Variants in NFATC3 observed in about 807,000 individuals in gnomAD.
The protein encoded by NFATC3 is nuclear factor of activated T cells 3, also known as nuclear factor of activated T-cells, cytoplasmic 3.
In NFATC3, 46 loss-of-function variants were observed where a neutral mutation model predicts 98.6. The observed-to-expected ratio is 0.47, with a 90% CI of 0.37 to 0.60. NFATC3 has a LOEUF of 0.60. Ranked by LOEUF, NFATC3 falls within the 20% of genes least tolerant of loss-of-function variation. The pLI, the probability that NFATC3 is intolerant of heterozygous loss-of-function variation, is 0.00. For synonymous variants in NFATC3, 512 were observed against 472.2 expected (o/e 1.08, Z -1.09); for missense variants, 1,256 against 1,295.5 (o/e 0.97, Z 0.47).
At chr16:68,097,602 G>T (rs925466604) in intron 1 of NFATC3, among the ~76,000 whole-genome samples, 2 of 152,184 alleles carry the variant, frequency 1.3e-5, no homozygotes, top group South Asian at 2.1e-4. Flanking sequence ...CAACAGTATT[G>T]CAAGGATGGC....
chr16:68,176,724 G>A (rs1012546798), intron 6 of NFATC3, among the ~76,000 whole-genome samples: 1 of 152,130 alleles, frequency 6.6e-6, no homozygotes, highest in African/African-American at 2.4e-5. Flanking sequence ...GTCTTTGCCT[G>A]TTTTCTCCAT....
intron 8 of NFATC3, chr16:68,189,300 G>A (rs2040340838): frequency 1.6e-5 from 3 of 189,720 alleles, no homozygotes; most frequent in Admixed American, 1.0e-4. Context: ...CCTTGACTTG[G>A]GTAGAGTGAT....
At chr16:68,128,897 A>T (rs978199460) in intron 3 of NFATC3, among the ~76,000 whole-genome samples, 11 of 152,018 alleles carry the variant, frequency 7.2e-5, no homozygotes, top group Non-Finnish European at 1.5e-4. Context: ...AGGTGAGAGG[A>T]TTGCTTGAGG....
Position 68,085,667 on chromosome 16 carries a change from C to T in NFATC3, c.-15C>T. The T allele has an allele frequency of 1.3e-6, 2 of 1,509,166 alleles. No homozygotes were observed. The highest frequency in any genetic ancestry group is 1.8e-6 in the Non-Finnish European group (2 of 1,131,162). 93.5% of individuals were successfully genotyped at this position (1,509,166 alleles called of 1,614,324 possible). On this transcript the variant is annotated 5_prime_UTR_variant, in exon 1 of 10. Transcript: ENST00000346183. Reference sequence around the variant, plus strand: ...CGCCGCCTGAGGAGGAGCTGCAGCACCCTGGGCCACGCCGATGACTACTGC... The same window carrying T: ...CGCCGCCTGAGGAGGAGCTGCAGCATCCTGGGCCACGCCGATGACTACTGC...
intron 1 of NFATC3, among the ~76,000 whole-genome samples, chr16:68,110,849 T>C (rs2035909327): frequency 6.6e-6 from 1 of 152,212 alleles, no homozygotes; most frequent in Non-Finnish European, 1.5e-5. Flanking sequence ...TTCTGGTACA[T>C]TGTCTCTTTG....
chr16:68,166,736 A>C (rs891185114), intron 4 of NFATC3, 107 bp from the exon 5 acceptor site: 1 of 835,314 alleles, frequency 1.2e-6, no homozygotes, highest in Admixed American at 3.0e-5. Context: ...TTTTTGACCT[A>C]ATTTTGGGTA....
intron 4 of NFATC3, among the ~76,000 whole-genome samples, chr16:68,164,725 A>C (rs2151591403): frequency 6.6e-6 from 1 of 151,584 alleles, no homozygotes; most frequent in African/African-American, 2.4e-5. Flanking sequence ...TGAAAATACA[A>C]AAAAATTAGC....
At chr16:68,120,395 T>G (rs2036508274) in intron 1 of NFATC3, among the ~76,000 whole-genome samples, 1 of 150,840 alleles carries the variant, frequency 6.6e-6, no homozygotes, top group Non-Finnish European at 1.5e-5. Context: ...CTGGACAACA[T>G]GGCAAAACCC....
At chr16:68,128,154 A>G (rs987236122) in intron 3 of NFATC3, among the ~76,000 whole-genome samples, 1 of 151,290 alleles carries the variant, frequency 6.6e-6, no homozygotes, top group Admixed American at 6.6e-5. Flanking sequence ...CTCTCGTCTT[A>G]ATGGTATTTA....
intron 6 of NFATC3, among the ~76,000 whole-genome samples, chr16:68,177,047 G>GT (rs1480405639): frequency 3.9e-5 from 3 of 76,080 alleles, no homozygotes; most frequent in South Asian, 4.0e-4. Flanking sequence ...TTTTTTTTTT[G>GT]TTTTTTTAAT....
In NFATC3 at chr16:68,191,742, A is replaced by G. The variant is rs931260400; in HGVS notation, c.3073A>G (p.Thr1025Ala). The G allele has an allele frequency of 2.5e-6, 4 of 1,613,992 alleles. No individual in the cohort carries two copies. The highest frequency in any genetic ancestry group is 3.4e-6 in the Non-Finnish European group (4 of 1,180,042). The part of the protein sequence containing the change: ...EPEDREPNFA[T>A]IGLQDITLDD... ...AGAAGATCGAGAGCCTAACTTTGCA[A>G]CCATTGGTCTGCAGGACATCACTTT... Residue 1025 changes from threonine to alanine, a missense_variant, in exon 9 of 10, where the codon ACC becomes GCC. By Grantham distance (58) the Thr-to-Ala change is moderately conservative. This residue lies in a region of NFATC3 where 636 missense variants were observed against 617.3 expected (regional missense o/e 1.03). Transcript: ENST00000346183.
intron 9 of NFATC3, among the ~76,000 whole-genome samples, chr16:68,211,722 A>G (rs923348840): frequency 1.3e-5 from 2 of 151,298 alleles, no homozygotes; most frequent in Non-Finnish European, 2.9e-5. Flanking sequence ...GGGTTTCACC[A>G]TGCTGGCCAG....
At chr16:68,107,923 T>A (rs898045132) in intron 1 of NFATC3, among the ~76,000 whole-genome samples, 5 of 151,544 alleles carry the variant, frequency 3.3e-5, no homozygotes, top group Admixed American at 1.3e-4. Flanking sequence ...GGTTTATTTT[T>A]TTTTTTTTTG....
At chr16:68,139,949 T>G (rs2037658070) in intron 3 of NFATC3, among the ~76,000 whole-genome samples, 1 of 152,196 alleles carries the variant, frequency 6.6e-6, no homozygotes, top group Admixed American at 6.5e-5. Context: ...ATCAGGTACT[T>G]ATTTTTTATT....
chr16:68,122,875 G>A lies in NFATC3; in HGVS notation c.992G>A (p.Cys331Tyr). ...CCTGCAGTTTTTCCATTTCAGTACTGTGTAGAGACTGACATCCCTCTCAAA... is the reference window on the plus strand; with the variant it reads ...CCTGCAGTTTTTCCATTTCAGTACTATGTAGAGACTGACATCCCTCTCAAA... The part of the protein sequence containing the change: ...LGPAVFPFQY[C>Y]VETDIPLKTR... Residue 331 changes from cysteine (C) to tyrosine (Y), a missense_variant, in exon 2 of 10, where the codon TGT (cysteine) becomes TAT (tyrosine). Coordinates refer to ENST00000346183, the MANE Select transcript of NFATC3 (RefSeq NM_173165.3). The A allele has an allele frequency of 6.2e-7, 1 of 1,614,210 alleles. No homozygotes were observed. The highest frequency in any genetic ancestry group is 1.3e-5 in the African/African-American group (1 of 75,052).
intron 4 of NFATC3, 106 bp from the exon 5 acceptor site, chr16:68,166,737 A>G: frequency 1.2e-6 from 1 of 860,296 alleles, no homozygotes; most frequent in Non-Finnish European, 1.7e-6. Context: ...TTTTGACCTA[A>G]TTTTGGGTAG....
At chr16:68,171,826 C>T (rs182457211) in intron 5 of NFATC3, among the ~76,000 whole-genome samples, 2 of 150,724 alleles carry the variant, frequency 1.3e-5, no homozygotes, top group Non-Finnish European at 1.5e-5. Context: ...CTCGCTGTTT[C>T]GCCCAGGGGT....
At chr16:68,135,598 G>T (rs2037359876) in intron 3 of NFATC3, among the ~76,000 whole-genome samples, 1 of 151,406 alleles carries the variant, frequency 6.6e-6, no homozygotes, top group African/African-American at 2.4e-5. Flanking sequence ...AAATATGGAA[G>T]AACTGTCTGT....
chr16:68,085,978 G>A, intron 1 of NFATC3, 194 bp downstream of exon 1: 1 of 463,086 alleles, frequency 2.2e-6, no homozygotes, highest in South Asian at 3.7e-5. Flanking sequence ...CGTGGAAGTG[G>A]TGGCGGGCTT....
Sources: allele counts gnomAD v4.1 joint callset (sites outside exome capture counted in the v4.1 genomes callset), GRCh38; gene constraint gnomAD v4.1.1; regional missense constraint gnomAD v4.1.1; transcripts MANE v1.5; gene names NCBI Gene and HGNC (gene_info 2026-07-23, HGNC 2026-07-21).